The following HGS variants were observed in gnomAD, a reference collection of about 807,000 sequenced individuals.
The protein encoded by HGS is hepatocyte growth factor-regulated tyrosine kinase substrate, also known as human growth factor-regulated tyrosine kinase substrate.
HGS carries 63 observed loss-of-function variants against 109.7 expected under a neutral mutation model. The observed-to-expected ratio is 0.57, with a 90% CI of 0.47 to 0.71. The LOEUF is 0.71. Ranked by LOEUF, HGS falls within the 30% of genes least tolerant of loss-of-function variation. HGS has a pLI of 0.00. For missense variants in HGS, 995 were observed against 1,068.3 expected, an observed-to-expected ratio of 0.93 and a Z score of 0.96; for synonymous variants, 546 against 437.3, an observed-to-expected ratio of 1.25 and a Z score of -3.10.
Position 81,701,754 on chromosome 17 carries a change from AC to A in HGS, c.*140del. 1 of 1,306,632 alleles carries A rather than the reference AC, an allele frequency of 7.7e-7. No individual in the cohort carries two copies. Among genetic ancestry groups the A allele is most frequent in the Non-Finnish European group, 1.0e-6 (1 of 982,548 alleles). The allele number at this position is 1,306,632 out of a possible 1,614,324, so 80.9% of individuals were successfully genotyped here. A position where few individuals can be genotyped will look rare whatever the true frequency, so the allele number is the denominator to read the frequency against. ...TCTCTGCGAGTGAGGGGGGGCCTTC[AC>A]CCCAAGCCCACCTCCCTTGTCCTCA... On this transcript the variant is annotated 3_prime_UTR_variant, in exon 22 of 22. Coordinates refer to ENST00000329138, the MANE Select transcript of HGS (RefSeq NM_004712.5).
chr17:81,685,010 G>A (rs2036952692), intron 1 of HGS: 4 of 985,376 alleles, frequency 4.1e-6, no homozygotes, highest in Non-Finnish European at 4.8e-6. Flanking sequence ...GGGCAGAGCT[G>A]GAGCTGCCCC....
intron 5 of HGS, among the ~76,000 whole-genome samples, chr17:81,689,303 G>C (rs530156814): frequency 6.6e-6 from 1 of 152,340 alleles, no homozygotes; most frequent in South Asian, 2.1e-4. Flanking sequence ...GTGCGCCGAG[G>C]GCCTCCAGGC....
intron 3 of HGS, 90 bp downstream of exon 3, chr17:81,686,477 C>T (rs1023331603): frequency 1.6e-5 from 15 of 914,006 alleles, no homozygotes; most frequent in African/African-American, 5.0e-5. Context: ...TGTGGCCTTG[C>T]CCACCTCCCT....
intron 7 of HGS, 54 bp downstream of exon 7, chr17:81,690,796 C>A: frequency 6.6e-7 from 1 of 1,521,430 alleles, no homozygotes; most frequent in Non-Finnish European, 9.0e-7. Context: ...AGGTCCCCTG[C>A]CGTGCACAAG....
rs377215106 is a variant in HGS at position 81,701,173 on chromosome 17, C to T, written c.2223+42C>T. 17 of 1,544,646 alleles carry T rather than the reference C, an allele frequency of 1.1e-5. No homozygotes were observed. In the African/African-American group the frequency reaches 2.2e-4, roughly 20 times the overall value. On this transcript the variant is annotated intron_variant, in intron 21 of 21. Transcript: ENST00000329138. Reference sequence around the variant, plus strand: ...GCCTCACAGCGGCACCCGCAGGGCACCCTCAGGCTTCACGGTTTAGCAATG... The same window carrying T: ...GCCTCACAGCGGCACCCGCAGGGCATCCTCAGGCTTCACGGTTTAGCAATG...
rs1478017485 is a variant in HGS, at chr17:81,686,993, G to A, written c.199-10G>A. Reference sequence around the variant, plus strand: ...ACTGGCCCAACCCTTCCCTTCCTGGGCATCTGCAGGTCATGGAATCTGTGG... The same window carrying A: ...ACTGGCCCAACCCTTCCCTTCCTGGACATCTGCAGGTCATGGAATCTGTGG... On this transcript the variant is annotated splice_polypyrimidine_tract_variant and intron_variant, in intron 3 of 21. Coordinates refer to ENST00000329138, the MANE Select transcript of HGS (RefSeq NM_004712.5). 1 of 1,610,858 alleles carries A rather than the reference G, an allele frequency of 6.2e-7. No individual in the cohort carries two copies. Among genetic ancestry groups the A allele is most frequent in the South Asian group, 1.1e-5 (1 of 90,524 alleles).
intron 21 of HGS, 61 bp from the exon 22 acceptor site, chr17:81,701,447 G>A: frequency 1.3e-6 from 2 of 1,490,568 alleles, no homozygotes; most frequent in East Asian, 2.5e-5. Flanking sequence ...TGGGACAAAA[G>A]CCTTCCTCCC....
At position 81,684,048 on chromosome 17, in the gene HGS, G is replaced by C. The variant is rs747407664; in HGVS notation, c.-19G>C. ...AGCAGGGGAGCGCCCGCGGCGTCGG[G>C]TTTGGGCTGGAGGTCGCCATGGGGC... is the stretch of plus-strand genomic sequence containing the variant. On this transcript the variant is annotated 5_prime_UTR_variant, in exon 1 of 22. Coordinates refer to ENST00000329138, the MANE Select transcript of HGS (RefSeq NM_004712.5). The C allele has an allele frequency of 6.3e-7, 1 of 1,591,422 alleles. No homozygotes were observed. Among genetic ancestry groups the C allele is most frequent in the South Asian group, 1.1e-5 (1 of 88,564 alleles).
chr17:81,690,333 G>A (rs2037044060), intron 6 of HGS, 99 bp downstream of exon 6: 1 of 1,245,302 alleles, frequency 8.0e-7, no homozygotes, highest in Non-Finnish European at 1.2e-6. Flanking sequence ...TGGTGGCTGA[G>A]CTCTCGTCTG....
At position 81,686,342 on chromosome 17, in the gene HGS, G is replaced by A. The variant is rs371953529; in HGVS notation, c.153G>A (p.Lys51=). The A allele has an allele frequency of 1.3e-4, 204 of 1,613,550 alleles. No individual in the cohort carries two copies. The highest frequency in any genetic ancestry group is 1.7e-4 in the Non-Finnish European group (200 of 1,179,972). ...QAKYAVNSIK[K]KVNDKNPHVA... Reference sequence around the variant, plus strand: ...AATATGCTGTGAATTCCATCAAGAAGAAAGTCAACGACAAGAACCCACACG... The same window carrying A: ...AATATGCTGTGAATTCCATCAAGAAAAAAGTCAACGACAAGAACCCACACG... Residue 51 remains lysine, a synonymous_variant, in exon 3 of 22, where the codon AAG becomes AAA. Coordinates refer to ENST00000329138, the MANE Select transcript of HGS (RefSeq NM_004712.5).
chr17:81,695,050 C>G lies in HGS; in HGVS notation c.1102C>G (p.Pro368Ala). ...AAQPGEGHAA[P>A]TNVVENPLPE... ...ACAGCCTGGGGAAGGGCACGCAGCC[C>G]CCACCAACGTGGTGGAGGTGAGGGG... is the stretch of plus-strand genomic sequence containing the variant. Residue 368 changes from proline to alanine, a missense_variant, in exon 13 of 22, where the codon CCC (proline) becomes GCC (alanine). Pro to Ala is a conservative substitution (Grantham distance 27, BLOSUM62 -1). Around this residue, in one of 6 missense-constraint regions of HGS, gnomAD observed 300 missense variants for 235.4 expected, o/e 1.27. Transcript: ENST00000329138. 5 of 1,613,454 alleles carry G rather than the reference C, an allele frequency of 3.1e-6. No individual in the cohort carries two copies. The highest frequency in any genetic ancestry group is 4.2e-6 in the Non-Finnish European group (5 of 1,179,520).
At chr17:81,690,271 G>A (rs1383387150) in intron 6 of HGS, 37 bp downstream of exon 6, 1 of 1,609,452 alleles carries the variant, frequency 6.2e-7, no homozygotes, top group Admixed American at 1.7e-5. Flanking sequence ...CTGGAGTCGG[G>A]CTGCTCAGGA....
chr17:81,690,871 C>T (rs1002971486), intron 7 of HGS, 129 bp downstream of exon 7: 18 of 733,216 alleles, frequency 2.5e-5, no homozygotes, highest in South Asian at 5.8e-5. Context: ...CAGCTCGCAG[C>T]GGGTGGCAGT....
intron 1 of HGS, 100 bp from the exon 2 acceptor site, chr17:81,685,505 A>T: frequency 1.4e-6 from 1 of 707,626 alleles, no homozygotes. Flanking sequence ...AAATGTCTAA[A>T]GGGGAAGGAG....
intron 4 of HGS, among the ~76,000 whole-genome samples, chr17:81,687,640 G>A (rs1387837759): frequency 6.6e-6 from 1 of 152,214 alleles, no homozygotes; most frequent in Non-Finnish European, 1.5e-5. Flanking sequence ...CCAGGAGATT[G>A]TGCCGGGGAC....
Position 81,696,738 on chromosome 17 carries a change from C to T in HGS, c.1698C>T (p.Pro566=), listed in dbSNP as rs1320313495. The stretch of plus-strand genomic sequence containing the variant: ...CGCAGATGCCCGCCTTCCCCCTGCC[C>T]TACGCCCAGGCATGTGCCATCCTCC... ...MRAQMPAFPL[P]YAQLQAMPAA... The change falls in exon 17 of 22, where the codon CCC becomes CCT. Residue 566 remains proline (P), a synonymous_variant. Coordinates refer to ENST00000329138, the MANE Select transcript of HGS (RefSeq NM_004712.5). 1 of 1,606,814 alleles carries T rather than the reference C, an allele frequency of 6.2e-7. No individual in the cohort carries two copies. The highest frequency in any genetic ancestry group is 8.5e-7 in the Non-Finnish European group (1 of 1,175,912).
In HGS at chr17:81,688,759, C is replaced by T; in HGVS notation, c.347C>T (p.Ala116Val). The T allele has an allele frequency of 6.2e-7, 1 of 1,614,114 alleles. No individual in the cohort carries two copies. The highest frequency in any genetic ancestry group is 8.5e-7 in the Non-Finnish European group (1 of 1,179,996). Residue 116 changes from alanine (A) to valine (V), a missense_variant, in exon 5 of 22, where the codon GCG becomes GTG. Ala to Val is a moderately conservative substitution (Grantham distance 64). Coordinates refer to ENST00000329138, the MANE Select transcript of HGS (RefSeq NM_004712.5). ...NKILYLIQAW[A>V]HAFRNEPKYK... The stretch of plus-strand genomic sequence containing the variant: ...ATCCTGTACCTGATCCAGGCCTGGG[C>T]GCATGCCTTCCGGAACGAGCCCAAG...
intron 21 of HGS, 113 bp downstream of exon 21, chr17:81,701,244 G>C (rs8067764): frequency 7.0e-6 from 7 of 1,001,822 alleles, no homozygotes; most frequent in South Asian, 1.4e-5. Context: ...CTGCTCACAG[G>C]GGGAGACGCA....
At chr17:81,686,261 A>G in intron 2 of HGS, 51 bp from the exon 3 acceptor site, 3 of 1,479,716 alleles carry the variant, frequency 2.0e-6, no homozygotes, top group Non-Finnish European at 2.8e-6. Context: ...TTAGTTGCTG[A>G]GACTATTTTT....
Sources: allele counts gnomAD v4.1 joint callset (sites outside exome capture counted in the v4.1 genomes callset), GRCh38; gene constraint gnomAD v4.1.1; regional missense constraint gnomAD v4.1.1; transcripts MANE v1.5; gene names NCBI Gene and HGNC (gene_info 2026-07-23, HGNC 2026-07-21).